The following NR3C2 variants were observed in gnomAD, a reference collection of about 807,000 sequenced individuals.
The protein encoded by NR3C2 is nuclear receptor subfamily 3 group C member 2.
A neutral mutation model predicts 86.4 loss-of-function variants in NR3C2; 15 were observed. The observed-to-expected ratio is 0.17, with a 90% CI of 0.12 to 0.27. The LOEUF (loss-of-function observed/expected upper bound fraction) is 0.27, where lower values mean the gene tolerates loss of function less well. Ranked by LOEUF, NR3C2 falls within the 10% of genes least tolerant of loss-of-function variation. The probability of loss-of-function intolerance (pLI) is 1.00; values close to 1 mark genes in which losing one functional copy is unlikely to be tolerated. For missense variants in NR3C2, 960 were observed against 1,195.6 expected, an observed-to-expected ratio of 0.80 and a Z score of 2.91; for synonymous variants, 458 against 450.5, an observed-to-expected ratio of 1.02 and a Z score of -0.21.
intron 4 of NR3C2, among the ~76,000 whole-genome samples, chr4:148,180,551 ATAT>A (rs1735598925): frequency 1.3e-5 from 2 of 152,162 alleles, no homozygotes; most frequent in African/African-American, 2.4e-5. Context: ...AAATATGCTC[ATAT>A]TATTAATAAA....
chr4:148,286,039 T>C (rs1233923846), intron 2 of NR3C2, among the ~76,000 whole-genome samples: 1 of 152,244 alleles, frequency 6.6e-6, no homozygotes, highest in African/African-American at 2.4e-5. Flanking sequence ...TGTTTTGTAA[T>C]TAACATATGA....
chr4:148,229,130 G>A (rs1447357057), intron 3 of NR3C2, among the ~76,000 whole-genome samples: 2 of 152,154 alleles, frequency 1.3e-5, no homozygotes, highest in Non-Finnish European at 2.9e-5. Context: ...ATAGATGCAG[G>A]AGGCAGATAA....
intron 2 of NR3C2, among the ~76,000 whole-genome samples, chr4:148,286,072 T>A (rs1350429080): frequency 6.6e-6 from 1 of 152,248 alleles, no homozygotes; most frequent in African/African-American, 2.4e-5. Flanking sequence ...GGAAGCAATG[T>A]ATTAAATAGA....
intron 2 of NR3C2, chr4:148,368,550 T>C (rs1746263570): frequency 6.6e-6 from 1 of 152,178 alleles, no homozygotes; most frequent in African/African-American, 2.4e-5. Flanking sequence ...CATGGTACTT[T>C]CATATATACA....
rs536227709 is a variant in NR3C2, at chr4:148,245,751, A to G, written c.1897+14227T>C. Among the ~76,000 whole-genome samples the G allele has an allele frequency of 2.6e-5, 4 of 152,308 alleles. No individual in the cohort carries two copies. The South Asian group carries it at 8.3e-4, about 32-fold the overall frequency. ...AGCAGGTGTCAAGCAAAACCTTTAA[A>G]CATTAAGCTTTATTAGACTGAACCT... On this transcript the variant is annotated intron_variant, in intron 3 of 8. Transcript: ENST00000358102.
chr4:148,230,181 C>T (rs190858109), intron 3 of NR3C2, among the ~76,000 whole-genome samples: 26 of 152,126 alleles, frequency 1.7e-4, no homozygotes, highest in Admixed American at 1.4e-3. Context: ...ATAAAAAGAA[C>T]GCACTTTTTG....
intron 2 of NR3C2, among the ~76,000 whole-genome samples, chr4:148,358,544 C>T (rs958061982): frequency 6.0e-5 from 9 of 151,088 alleles, no homozygotes; most frequent in Middle Eastern, 3.4e-3. Flanking sequence ...GTGGATGCAG[C>T]GCACCAGCAT....
chr4:148,332,162 A>C (rs976985819), intron 2 of NR3C2, among the ~76,000 whole-genome samples: 7 of 152,228 alleles, frequency 4.6e-5, no homozygotes, highest in African/African-American at 1.7e-4. Flanking sequence ...TTCTATACTG[A>C]GTGAATCGTA....
chr4:148,306,662 T>A (rs1226129812), intron 2 of NR3C2, among the ~76,000 whole-genome samples: 1 of 152,228 alleles, frequency 6.6e-6, no homozygotes, highest in Non-Finnish European at 1.5e-5. Context: ...GGAAGGATAA[T>A]ACTAAATGTT....
At chr4:148,300,895 G>A (rs547884583) in intron 2 of NR3C2, among the ~76,000 whole-genome samples, 31 of 152,210 alleles carry the variant, frequency 2.0e-4, no homozygotes, top group African/African-American at 5.8e-4. Context: ...CTTAATGCAC[G>A]AATGAGAGGC....
In NR3C2 at chr4:148,136,087, A is replaced by AAAAAAC. The variant is rs1560940053; in HGVS notation, c.2511-15800_2511-15799insGTTTTT. On this transcript the variant is annotated intron_variant, in intron 6 of 8. Transcript: ENST00000358102. ...AAAAAAAAAAAAAAACAAAAAAAAA[A>AAAAAAC]AACACCACCAAAACCAACAAAAAAA... 3.3e-4 allele frequency among the ~76,000 whole-genome samples: 26 copies of AAAAAAC among 79,240 alleles called. 1 individual carries two copies. Among genetic ancestry groups the AAAAAAC allele is most frequent in the African/African-American group, 1.0e-3 (24 of 22,882 alleles). The allele number at this position is 79,240 out of a possible 152,430, so 52.0% of individuals were successfully genotyped here.
At chr4:148,112,043 T>G (rs144993539) in intron 8 of NR3C2, among the ~76,000 whole-genome samples, 268 of 152,222 alleles carry the variant, frequency 1.8e-3, no homozygotes, top group African/African-American at 6.0e-3. Context: ...AAACTTTGCA[T>G]AAAATCAGCA....
intron 6 of NR3C2, among the ~76,000 whole-genome samples, chr4:148,131,203 C>T (rs537046701): frequency 6.6e-6 from 1 of 152,194 alleles, no homozygotes; most frequent in South Asian, 2.1e-4. Flanking sequence ...GTTACATTGT[C>T]AGAATGTAGG....
intron 8 of NR3C2, among the ~76,000 whole-genome samples, chr4:148,099,304 C>G (rs1553984839): frequency 6.6e-6 from 1 of 152,150 alleles, no homozygotes; most frequent in Non-Finnish European, 1.5e-5. Context: ...ACACTTGGCC[C>G]TGGAGATGCC....
chr4:148,093,294 C>T (rs1731140579), intron 8 of NR3C2, among the ~76,000 whole-genome samples: 2 of 152,322 alleles, frequency 1.3e-5, no homozygotes, highest in East Asian at 1.9e-4. Context: ...GGCCACTCCC[C>T]GCTCTCCCTG....
intron 4 of NR3C2, among the ~76,000 whole-genome samples, chr4:148,173,205 C>A (rs1195168958): frequency 6.6e-6 from 1 of 152,190 alleles, no homozygotes; most frequent in Non-Finnish European, 1.5e-5. Context: ...GGACATAGGT[C>A]ATTACATAGT....
intron 8 of NR3C2, among the ~76,000 whole-genome samples, chr4:148,100,445 C>T (rs1332164819): frequency 6.6e-6 from 1 of 152,160 alleles, no homozygotes; most frequent in Non-Finnish European, 1.5e-5. Flanking sequence ...AGAAGACTTA[C>T]AAATGGCCAT....
intron 2 of NR3C2, among the ~76,000 whole-genome samples, chr4:148,270,095 T>C (rs1032168162): frequency 1.3e-4 from 20 of 151,658 alleles, no homozygotes; most frequent in Non-Finnish European, 1.9e-4. Context: ...TTTTTTTGCT[T>C]ACCACATTTT....
intron 5 of NR3C2, 135 bp from the exon 6 acceptor site, chr4:148,152,748 A>T (rs1336396922): frequency 3.7e-6 from 3 of 806,224 alleles, no homozygotes; most frequent in Non-Finnish European, 6.2e-6. Flanking sequence ...AATCAATTCA[A>T]CAGTCATTTA....
Sources: gnomAD v4.1 joint callset for allele counts (sites outside exome capture counted in the v4.1 genomes callset) on GRCh38, gnomAD v4.1.1 for gene constraint, MANE v1.5 for transcripts, NCBI Gene and HGNC (gene_info 2026-07-23, HGNC 2026-07-21) for gene names.